Variants in TRPM4 observed in about 807,000 individuals in gnomAD.
TRPM4 encodes transient receptor potential cation channel subfamily M member 4.
TRPM4 carries 124 observed loss-of-function variants against 135.6 expected under a neutral mutation model. The observed-to-expected ratio is 0.91, with a 90% CI of 0.79 to 1.06. The LOEUF (loss-of-function observed/expected upper bound fraction) is 1.06, where lower values mean the gene tolerates loss of function less well. Ranked by LOEUF, TRPM4 falls within the 50% of genes least tolerant of loss-of-function variation. The pLI is 0.00. For synonymous variants in TRPM4, 745 were observed against 705.6 expected, an observed-to-expected ratio of 1.06 and a Z score of -0.88; for missense variants, 1,658 against 1,671.4, an observed-to-expected ratio of 0.99 and a Z score of 0.14.
chr19:49,166,043 G>A lies in TRPM4; in HGVS notation c.95G>A (p.Gly32Glu). 6.3e-7 allele frequency: 1 copy of A among 1,593,772 alleles called. No individual in the cohort carries two copies. The highest frequency in any genetic ancestry group is 1.3e-5 in the African/African-American group (1 of 74,860). ...TFIVDSTDPG[G>E]TLCQCGRPRT... ...ACGCTCCGCCCTCGCACCCCCAGAGGGACCTTGTGCCAGTGTGGGCGCCCC... is the reference window on the plus strand; with the variant it reads ...ACGCTCCGCCCTCGCACCCCCAGAGAGACCTTGTGCCAGTGTGGGCGCCCC... The change falls in exon 3 of 25, where the codon GGG becomes GAG. Residue 32 changes from glycine (G) to glutamate (E), a missense_variant and splice_region_variant. By Grantham distance (98) the Gly-to-Glu change is moderately conservative. Transcript: ENST00000252826.
rs780954126 is a variant in TRPM4 at position 49,210,718 on chromosome 19, C to T, written c.3337C>T (p.Leu1113Phe). The change falls in exon 22 of 25, where the codon CTT becomes TTT. Residue 1113 changes from leucine to phenylalanine, a missense_variant. Transcript: ENST00000252826. This position sits in a 1 kb window ranked among gnomAD's most constrained non-coding sequence, Gnocchi z 4.1. ...SPALEHFRVY[L>F]SKEAERKLLT... ...TCCGCCCGCCCCTGCAGGGGTTTAC[C>T]TTTCTAAGGAAGCCGAGCGGAAGCT... 1 of 1,614,160 alleles carries T rather than the reference C, an allele frequency of 6.2e-7. No individual in the cohort carries two copies. The highest frequency in any genetic ancestry group is 8.5e-7 in the Non-Finnish European group (1 of 1,180,032).
chr19:49,206,666 C>T lies in TRPM4; in HGVS notation c.3132-3543C>T, dbSNP rs536626957. ...GTTGGTCAGGCTGGTCTCGAACTCC[C>T]GACCTCAGGTGATCCACCCGCCTTG... On this transcript the variant is annotated intron_variant, in intron 20 of 24. Coordinates refer to ENST00000252826, the MANE Select transcript of TRPM4 (RefSeq NM_017636.4). Among the ~76,000 whole-genome samples the T allele has an allele frequency of 1.7e-3, 264 of 152,020 alleles. 4 individuals carry two copies. Among genetic ancestry groups the T allele is most frequent in the African/African-American group, 6.0e-3 (250 of 41,460 alleles).
Position 49,195,869 on chromosome 19 carries a change from T to TTTATTA in TRPM4, c.2211-553_2211-548dup, listed in dbSNP as rs746763684. Among the ~76,000 whole-genome samples, 405 of 148,816 alleles carry TTTATTA rather than the reference T, an allele frequency of 2.7e-3. 2 individuals are homozygous for TTTATTA. The highest frequency in any genetic ancestry group is 9.4e-3 in the African/African-American group (379 of 40,312). ...TGGCTAAATTTTTATTTTTATTTAT[T>TTTATTA]TTATTATTATTATTATTATTATTTT... On this transcript the variant is annotated intron_variant, in intron 16 of 24. Transcript: ENST00000252826.
intron 14 of TRPM4, among the ~76,000 whole-genome samples, chr19:49,189,357 C>G (rs538171136): frequency 6.6e-6 from 1 of 152,190 alleles, no homozygotes; most frequent in Non-Finnish European, 1.5e-5. Flanking sequence ...GTGACCCTGT[C>G]AGGAAATTCC....
rs139753455 is a variant in TRPM4 at position 49,188,692 on chromosome 19, A to C, written c.1795A>C (p.Met599Leu). ...TGGGGCCTGTTTGCTGCTCCGGGTGATGGCACGCCTGGAGCCTGACGCTGA... is the reference window on the plus strand; with the variant it reads ...TGGGGCCTGTTTGCTGCTCCGGGTGCTGGCACGCCTGGAGCCTGACGCTGA... ...ALGACLLLRVMARLEPDAEEA... is the reference protein window; with the variant it reads ...ALGACLLLRVLARLEPDAEEA... The change falls in exon 13 of 25, where the codon ATG becomes CTG. Residue 599 changes from methionine (M) to leucine (L), a missense_variant. Physicochemically the swap from Met to Leu is conservative, Grantham distance 15. Coordinates refer to ENST00000252826, the MANE Select transcript of TRPM4 (RefSeq NM_017636.4). 6.2e-7 allele frequency: 1 copy of C among 1,614,080 alleles called. No individual in the cohort carries two copies. Among genetic ancestry groups the C allele is most frequent in the South Asian group, 1.1e-5 (1 of 91,072 alleles).
intron 20 of TRPM4, among the ~76,000 whole-genome samples, chr19:49,205,526 C>CTTTTT (rs576873516): frequency 1.6e-5 from 2 of 126,948 alleles, no homozygotes; most frequent in Admixed American, 8.2e-5. Flanking sequence ...ATGACTTCAA[C>CTTTTT]TTTTTTTTTT....
chr19:49,196,837 G>C lies in TRPM4; in HGVS notation c.2608G>C (p.Val870Leu). 6.3e-7 allele frequency: 1 copy of C among 1,591,382 alleles called. No homozygotes were observed. The highest frequency in any genetic ancestry group is 8.5e-7 in the Non-Finnish European group (1 of 1,176,444). ...LADSWNQCDL[V>L]ALTCFLLGVG... ...CGACAGCTGGAACCAGTGCGACCTA[G>C]TGGCTCTCACCTGCTTCCTCCTGGG... The change falls in exon 17 of 25, where the codon GTG (valine) becomes CTG (leucine). Residue 870 changes from valine to leucine, a missense_variant. Val to Leu is a conservative substitution (Grantham distance 32). This residue lies in a region of TRPM4 where 1,412 missense variants were observed against 1,408.7 expected (regional missense o/e 1.00). Coordinates refer to ENST00000252826, the MANE Select transcript of TRPM4 (RefSeq NM_017636.4).
chr19:49,182,950 C>A (rs1182612380), intron 11 of TRPM4, 28 bp downstream of exon 11: 1 of 1,581,736 alleles, frequency 6.3e-7, no homozygotes, highest in Non-Finnish European at 8.6e-7. Flanking sequence ...CTGGGGGGCC[C>A]CCCCGCGCGG....
At chr19:49,209,968 C>T (rs1969285998) in intron 20 of TRPM4, among the ~76,000 whole-genome samples, 1 of 152,074 alleles carries the variant, frequency 6.6e-6, no homozygotes, top group Non-Finnish European at 1.5e-5. Context: ...AGGCTGGTCT[C>T]GAACTCCTGA....
Position 49,203,183 on chromosome 19 carries a change from G to A in TRPM4, c.3131+1042G>A, listed in dbSNP as rs1168589767. ...TAGGATTACAGGCGTGAGCCACCGC[G>A]CCCCGCCTTTTTTTGAGATGGAGTC... On this transcript the variant is annotated intron_variant, in intron 20 of 24. Coordinates refer to ENST00000252826, the MANE Select transcript of TRPM4 (RefSeq NM_017636.4). Among the ~76,000 whole-genome samples the A allele has an allele frequency of 2.3e-4, 34 of 150,648 alleles. 1 individual carries two copies. Among genetic ancestry groups the A allele is most frequent in the East Asian group, 4.0e-4 (2 of 5,044 alleles).
intron 20 of TRPM4, among the ~76,000 whole-genome samples, chr19:49,204,242 T>A (rs1969062311): frequency 6.6e-6 from 1 of 152,226 alleles, no homozygotes; most frequent in South Asian, 2.1e-4. Context: ...TCTATTTGAA[T>A]CCTTGTTTTT....
chr19:49,201,893 G>T, intron 19 of TRPM4, 71 bp from the exon 20 acceptor site: 10 of 1,550,448 alleles, frequency 6.4e-6, no homozygotes, highest in Non-Finnish European at 8.9e-6. Context: ...GAGCCACCGC[G>T]CCCGGCAGTC....
chr19:49,158,284 C>A, intron 2 of TRPM4, 25 bp downstream of exon 2: 1 of 1,609,638 alleles, frequency 6.2e-7, no homozygotes, highest in East Asian at 2.2e-5. Flanking sequence ...CCTGGACTGA[C>A]CCCAGAGGGT....
rs1968899326 is a variant in TRPM4, at chr19:49,200,779, A to G, written c.2947A>G (p.Met983Val). The G allele has an allele frequency of 6.2e-7, 1 of 1,613,944 alleles. No individual in the cohort carries two copies. Among genetic ancestry groups the G allele is most frequent in the South Asian group, 1.1e-5 (1 of 91,072 alleles). ...QIFGQIPQED[M>V]DVALMEHSNC... ...CTTCGGGCAGATTCCCCAGGAGGAC[A>G]TGGACGGTAGGGGGGATGACGGCCT... The change falls in exon 19 of 25, where the codon ATG becomes GTG. Residue 983 changes from methionine (M) to valine (V), a missense_variant. By Grantham distance (21) the Met-to-Val change is conservative (BLOSUM62 1). Coordinates refer to ENST00000252826, the MANE Select transcript of TRPM4 (RefSeq NM_017636.4).
intron 2 of TRPM4, chr19:49,159,148 CA>C (rs1409771681): frequency 1.3e-5 from 2 of 150,914 alleles, no homozygotes; most frequent in Non-Finnish European, 2.9e-5. Context: ...TTTCCTGCCT[CA>C]GCCTCCCGAG....
intron 16 of TRPM4, among the ~76,000 whole-genome samples, chr19:49,191,370 A>T (rs944013222): frequency 6.6e-6 from 1 of 151,488 alleles, no homozygotes; most frequent in Non-Finnish European, 1.5e-5. Context: ...CGCCCAGCTA[A>T]TTTTTGTATC....
chr19:49,166,735 C>G (rs890736370), intron 3 of TRPM4, among the ~76,000 whole-genome samples: 1 of 130,376 alleles, frequency 7.7e-6, no homozygotes, highest in Non-Finnish European at 1.6e-5. Context: ...TCTCTGTCCC[C>G]GTCTCTCTGG....
At position 49,210,261 on chromosome 19, in the gene TRPM4, C is replaced by A. The variant is rs375523320; in HGVS notation, c.3184C>A (p.Arg1062Ser). 1.2e-6 allele frequency: 2 copies of A among 1,614,228 alleles called. No homozygotes were observed. Among genetic ancestry groups the A allele is most frequent in the Non-Finnish European group, 8.5e-7 (1 of 1,180,050 alleles). Residue 1062 changes from arginine to serine, a missense_variant, in exon 21 of 25, where the codon CGT becomes AGT. Arg to Ser is a moderately radical substitution (Grantham distance 110). This residue lies in a region of TRPM4 where 1,412 missense variants were observed against 1,408.7 expected (regional missense o/e 1.00). Coordinates refer to ENST00000252826, the MANE Select transcript of TRPM4 (RefSeq NM_017636.4). This position sits in a 1 kb window ranked among gnomAD's most constrained non-coding sequence, Gnocchi z 4.1. ...GNSDLYWKAQ[R>S]YRLIREFHSR... ...CAGCGATCTCTACTGGAAGGCGCAG[C>A]GTTACCGCCTCATCCGGGAATTCCA... is the stretch of plus-strand genomic sequence containing the variant.
chr19:49,188,485 T>C (rs1367491036), intron 12 of TRPM4, among the ~76,000 whole-genome samples, 156 bp from the exon 13 acceptor site: 2 of 152,188 alleles, frequency 1.3e-5, no homozygotes, highest in Non-Finnish European at 2.9e-5. Context: ...TGACTTTCAG[T>C]TTCTTCCAGA....
Sources: gnomAD v4.1 joint callset for allele counts (sites outside exome capture counted in the v4.1 genomes callset) on GRCh38, gnomAD v4.1.1 for gene constraint, gnomAD v4.1.1 regional missense constraint, Gnocchi (gnomAD v3.1) non-coding constraint, MANE v1.5 for transcripts, NCBI Gene and HGNC (gene_info 2026-07-23, HGNC 2026-07-21) for gene names.